The following CCNJ variants were observed in gnomAD, a reference collection of about 807,000 sequenced individuals.
CCNJ encodes cyclin J, also known as cyclin-J.
In CCNJ, 12 loss-of-function variants were observed where a neutral mutation model predicts 41.4. That is an observed-to-expected ratio of 0.29 (90% CI 0.19 to 0.47). CCNJ has a LOEUF of 0.47. Among genes scored for constraint, CCNJ ranks in the 20% least tolerant of loss-of-function variants. The pLI is 1.00. For missense variants in CCNJ, 340 were observed against 464.6 expected (o/e 0.73, Z 2.47); for synonymous variants, 161 against 173.4 (o/e 0.93, Z 0.56).
At chr10:96,051,417 GA>G (rs2080521046) in intron 3 of CCNJ, among the ~76,000 whole-genome samples, 1 of 152,214 alleles carries the variant, frequency 6.6e-6, no homozygotes, top group African/African-American at 2.4e-5. Context: ...TTATTACAAT[GA>G]AATTTATAGT....
intron 1 of CCNJ, among the ~76,000 whole-genome samples, chr10:96,043,936 C>T (rs892961455): frequency 6.6e-6 from 1 of 152,140 alleles, no homozygotes; most frequent in African/African-American, 2.4e-5. Context: ...CACCCCCGGG[C>T]TTTGCCATGG....
rs1338464846 is a variant in CCNJ at position 96,044,571 on chromosome 10, C to A, written c.69+109C>A. ...GGTTCTTTACTCACTATCTTCCGGG[C>A]CAGAAAAGGCGAGTTTGCTCATTTG... is the stretch of plus-strand genomic sequence containing the variant. On this transcript the variant is annotated intron_variant, in intron 2 of 5. Coordinates refer to ENST00000465148, the MANE Select transcript of CCNJ (RefSeq NM_001134375.2). 23 of 823,128 alleles carry A rather than the reference C, an allele frequency of 2.8e-5. No individual in the cohort carries two copies. The East Asian group carries it at 6.5e-4, about 23-fold the overall frequency. 51.0% of individuals were successfully genotyped at this position (823,128 alleles called of 1,614,324 possible). A position where few individuals can be genotyped will look rare whatever the true frequency, so the allele number is the denominator to read the frequency against.
chr10:96,048,867 T>A (rs926130862), intron 2 of CCNJ, among the ~76,000 whole-genome samples: 8 of 152,358 alleles, frequency 5.3e-5, no homozygotes, highest in Admixed American at 4.6e-4. Context: ...TTGTGAGTAA[T>A]CCTGTTTTGA....
At chr10:96,053,962 A>G (rs1469889326) in intron 3 of CCNJ, among the ~76,000 whole-genome samples, 1 of 152,152 alleles carries the variant, frequency 6.6e-6, no homozygotes, top group Non-Finnish European at 1.5e-5. Context: ...CTTAGTAATA[A>G]AAAAATAGAA....
intron 3 of CCNJ, among the ~76,000 whole-genome samples, chr10:96,051,378 G>T (rs2080519127): frequency 6.6e-6 from 1 of 152,020 alleles, no homozygotes; most frequent in African/African-American, 2.4e-5. Flanking sequence ...TATGGAAGTT[G>T]AATCAGTAAT....
chr10:96,043,350 G>A (rs758678157), upstream of CCNJ: 428 of 336,046 alleles, frequency 1.3e-3, 2 homozygotes, highest in Non-Finnish European at 2.2e-3. Context: ...GCGGCTGAGC[G>A]CCCCGGCAAC....
intron 3 of CCNJ, among the ~76,000 whole-genome samples, chr10:96,056,435 C>G (rs1050616943): frequency 6.6e-6 from 1 of 152,052 alleles, no homozygotes; most frequent in Non-Finnish European, 1.5e-5. Flanking sequence ...TTCACTGGCA[C>G]ATGACTATTT....
intron 1 of CCNJ, 69 bp downstream of exon 1, chr10:96,043,788 C>G (rs1023335297): frequency 2.6e-6 from 1 of 386,686 alleles, no homozygotes; most frequent in Non-Finnish European, 4.6e-6. Flanking sequence ...CGGACCCTCC[C>G]GGGGTGAGGC....
At chr10:96,050,909 C>T (rs1186554682) in intron 3 of CCNJ, among the ~76,000 whole-genome samples, 1 of 152,144 alleles carries the variant, frequency 6.6e-6, no homozygotes, top group Admixed American at 6.5e-5. Flanking sequence ...GTGGGAGATG[C>T]TTTTTTAGCA....
intron 3 of CCNJ, among the ~76,000 whole-genome samples, chr10:96,055,640 TC>T (rs766069927): frequency 3.0e-4 from 46 of 152,342 alleles, no homozygotes; most frequent in Non-Finnish European, 4.7e-4. Flanking sequence ...GGAAAGAGAA[TC>T]TTATTCTTCA....
intron 2 of CCNJ, among the ~76,000 whole-genome samples, 154 bp from the exon 3 acceptor site, chr10:96,050,102 C>T (rs2080481503): frequency 6.6e-6 from 1 of 152,164 alleles, no homozygotes; most frequent in Non-Finnish European, 1.5e-5. Flanking sequence ...TTCATTATCC[C>T]TCCACTTAAC....
In CCNJ at chr10:96,044,424, C is replaced by A; in HGVS notation, c.31C>A (p.Gln11Lys). ...GCTGGAGGGGCAGTGGTGGCGAGGA[C>A]AGCTGGCCGCCGATATTCACCAAGC... is the stretch of plus-strand genomic sequence containing the variant. MELEGQWWRG[Q>K]LAADIHQALR... The change falls in exon 2 of 6, where the codon CAG becomes AAG. Residue 11 changes from glutamine (Q) to lysine (K), a missense_variant. Transcript: ENST00000465148. 1 of 1,563,162 alleles carries A rather than the reference C, an allele frequency of 6.4e-7. No individual in the cohort carries two copies. Among genetic ancestry groups the A allele is most frequent in the Non-Finnish European group, 8.7e-7 (1 of 1,150,214 alleles).
Position 96,057,810 on chromosome 10 carries a change from C to T in CCNJ, c.741-20C>T. On this transcript the variant is annotated intron_variant, in intron 5 of 5. Transcript: ENST00000465148. ...TCTCAAGCAGTATTTTTAATAGTTTCCTTTCTCTCCACGTTTCAGCGCTCA... is the reference window on the plus strand; with the variant it reads ...TCTCAAGCAGTATTTTTAATAGTTTTCTTTCTCTCCACGTTTCAGCGCTCA... The T allele has an allele frequency of 6.2e-7, 1 of 1,601,288 alleles. No individual in the cohort carries two copies. The highest frequency in any genetic ancestry group is 1.1e-5 in the South Asian group (1 of 89,534).
chr10:96,058,735 C>CT lies in CCNJ; in HGVS notation c.*495dup, dbSNP rs942004572. ...TTTTGTTCTACACATGAATTTTTGA[C>CT]TAAGTTTAAACTCATGAATTGTTAT... On this transcript the variant is annotated 3_prime_UTR_variant, in exon 6 of 6. Transcript: ENST00000465148. 6 of 376,574 alleles carry CT rather than the reference C, an allele frequency of 1.6e-5. No individual in the cohort carries two copies. The highest frequency in any genetic ancestry group is 2.8e-5 in the Non-Finnish European group (6 of 213,052). 23.3% of individuals were successfully genotyped at this position (376,574 alleles called of 1,614,324 possible).
chr10:96,044,115 C>G (rs563773105), intron 1 of CCNJ, among the ~76,000 whole-genome samples: 1 of 152,344 alleles, frequency 6.6e-6, no homozygotes, highest in South Asian at 2.1e-4. Context: ...GAGTGGATCC[C>G]CTTTTGCCCG....
chr10:96,049,175 CTAA>C (rs1207184264), intron 2 of CCNJ, among the ~76,000 whole-genome samples: 1 of 152,050 alleles, frequency 6.6e-6, no homozygotes, highest in Non-Finnish European at 1.5e-5. Flanking sequence ...TTTGCATTTC[CTAA>C]TAATTAGTGA....
At chr10:96,051,555 G>GAGTACGT (rs1554859485) in intron 3 of CCNJ, among the ~76,000 whole-genome samples, 2 of 152,072 alleles carry the variant, frequency 1.3e-5, no homozygotes, top group Non-Finnish European at 2.9e-5. Context: ...AATCTTAAAG[G>GAGTACGT]AGTATGTAGA....
chr10:96,050,575 A>C, intron 3 of CCNJ, 109 bp downstream of exon 3: 1 of 769,686 alleles, frequency 1.3e-6, no homozygotes, highest in South Asian at 1.8e-5. Flanking sequence ...ATTCCAGTTC[A>C]CTAGTATCAA....
intron 2 of CCNJ, among the ~76,000 whole-genome samples, chr10:96,050,031 C>T (rs11188574): frequency 0.041 from 6,303 of 152,142 alleles, 401 homozygotes; most frequent in East Asian, 0.27. Flanking sequence ...ACAAGAACAT[C>T]TATAATTGTT....
Sources: allele counts gnomAD v4.1 joint callset (sites outside exome capture counted in the v4.1 genomes callset), GRCh38; gene constraint gnomAD v4.1.1; transcripts MANE v1.5; gene names NCBI Gene and HGNC (gene_info 2026-07-23, HGNC 2026-07-21).